The following DAB1 variants were observed in gnomAD, a reference collection of about 807,000 sequenced individuals.
The protein encoded by DAB1 is disabled homolog 1.
Under a neutral mutation model 64.6 loss-of-function variants are expected in DAB1, and 15 were observed. The observed-to-expected ratio is 0.23, with a 90% CI of 0.16 to 0.36. The LOEUF is 0.36. Ranked by LOEUF, DAB1 falls within the 10% of genes least tolerant of loss-of-function variation. The pLI is 1.00. For synonymous variants in DAB1, 235 were observed against 251.9 expected, an observed-to-expected ratio of 0.93 and a Z score of 0.64; for missense variants, 596 against 706.7, an observed-to-expected ratio of 0.84 and a Z score of 1.78.
At chr1:58,122,058 T>C (rs936552766) in intron 5 of DAB1, among the ~76,000 whole-genome samples, 37 of 152,142 alleles carry the variant, frequency 2.4e-4, no homozygotes, top group African/African-American at 8.4e-4. Flanking sequence ...GGAAGACAAA[T>C]GGGACTGTTC....
At chr1:57,121,211 G>T (rs1448084976) in intron 4 of DAB1, among the ~76,000 whole-genome samples, 1 of 151,064 alleles carries the variant, frequency 6.6e-6, no homozygotes, top group East Asian at 1.9e-4. Flanking sequence ...GGAGAAGAAG[G>T]AGAAGGAGGG....
chr1:58,300,139 G>A (rs1342441116), intron 4 of DAB1, among the ~76,000 whole-genome samples: 2 of 152,170 alleles, frequency 1.3e-5, no homozygotes, highest in African/African-American at 4.8e-5. Context: ...CTGGGTAGTG[G>A]TGGGCTCTGC....
At chr1:57,620,883 C>T (rs1645849303) in intron 7 of DAB1, among the ~76,000 whole-genome samples, 1 of 152,174 alleles carries the variant, frequency 6.6e-6, no homozygotes, top group South Asian at 2.1e-4. Flanking sequence ...GTTTGTGTTG[C>T]CTTCTGCTCC....
chr1:57,706,688 T>A (rs1646970361), intron 6 of DAB1, among the ~76,000 whole-genome samples: 1 of 152,150 alleles, frequency 6.6e-6, no homozygotes. Flanking sequence ...AATGGTTATA[T>A]CCTACCCCAA....
At chr1:57,680,204 AAGTCCAAGGTACTC>A (rs890974858) in intron 6 of DAB1, among the ~76,000 whole-genome samples, 1 of 152,232 alleles carries the variant, frequency 6.6e-6, no homozygotes, top group African/African-American at 2.4e-5. Flanking sequence ...TAGAAAAGAA[AAGTCCAAGGTACTC>A]AGCAATGGCT....
At chr1:58,281,741 A>T (rs1052309279) in intron 4 of DAB1, among the ~76,000 whole-genome samples, 3 of 152,132 alleles carry the variant, frequency 2.0e-5, no homozygotes, top group African/African-American at 7.2e-5. Context: ...AAGGTATTTC[A>T]CTTCTCTGTT....
intron 2 of DAB1, among the ~76,000 whole-genome samples, chr1:57,247,317 A>C (rs1439439038): frequency 6.6e-6 from 1 of 152,050 alleles, no homozygotes; most frequent in Non-Finnish European, 1.5e-5. Context: ...GACCATTTGA[A>C]AGTGTGTGAT....
intron 3 of DAB1, among the ~76,000 whole-genome samples, chr1:58,460,173 A>G (rs1645229466): frequency 6.6e-6 from 1 of 152,172 alleles, no homozygotes; most frequent in African/African-American, 2.4e-5. Flanking sequence ...GTTGAAGCAC[A>G]AAGTCTAGGC....
At chr1:57,044,680 A>AC (rs1386515635) in intron 9 of DAB1, among the ~76,000 whole-genome samples, 1 of 152,048 alleles carries the variant, frequency 6.6e-6, no homozygotes, top group Non-Finnish European at 1.5e-5. Context: ...TCTATGAAAA[A>AC]CCTTTTTAAT....
intron 1 of DAB1, among the ~76,000 whole-genome samples, chr1:57,303,355 C>G (rs1229353246): frequency 1.3e-5 from 2 of 152,148 alleles, no homozygotes; most frequent in Admixed American, 6.5e-5. Flanking sequence ...GCTTGCTCTG[C>G]CTTTCGCCCC....
chr1:58,323,643 T>C (rs1662747442), intron 4 of DAB1, among the ~76,000 whole-genome samples: 1 of 152,104 alleles, frequency 6.6e-6, no homozygotes, highest in African/African-American at 2.4e-5. Flanking sequence ...ACTAGATGTC[T>C]GAGATCTTAA....
rs67547933 is a variant in DAB1, at chr1:58,433,567, AAGAG to A, written n.257+72489_257+72492del. ...CTGAAGGGCAAGAGAGTCCATGCAT[AAGAG>A]AGAGAGAGAGAGAGAGAGAGAGAGA... is the stretch of plus-strand genomic sequence containing the variant. On this transcript the variant is annotated intron_variant and non_coding_transcript_variant, in intron 3 of 20. Transcript: ENST00000485760. Among the ~76,000 whole-genome samples, 1,085 of 114,260 alleles carry A rather than the reference AAGAG, an allele frequency of 9.5e-3. 7 individuals carry two copies. The highest frequency in any genetic ancestry group is 0.015 in the African/African-American group (422 of 27,864). 75.0% of individuals were successfully genotyped at this position (114,260 alleles called of 152,430 possible). A position where few individuals can be genotyped will look rare whatever the true frequency, so the allele number is the denominator to read the frequency against.
intron 4 of DAB1, among the ~76,000 whole-genome samples, chr1:57,081,477 G>C (rs1652553719): frequency 1.3e-5 from 2 of 152,170 alleles, no homozygotes; most frequent in Admixed American, 1.3e-4. Context: ...AAAAAGAAAA[G>C]AGCTAAAAGT....
chr1:58,283,014 G>A (rs1205471350), intron 4 of DAB1, among the ~76,000 whole-genome samples: 2 of 149,112 alleles, frequency 1.3e-5, no homozygotes, highest in East Asian at 3.9e-4. Context: ...CACCCCAATT[G>A]CCTTTCACTT....
At chr1:57,285,646 A>T (rs1375402991) in intron 2 of DAB1, among the ~76,000 whole-genome samples, 1 of 152,166 alleles carries the variant, frequency 6.6e-6, no homozygotes, top group Non-Finnish European at 1.5e-5. Context: ...TTTAAAGATA[A>T]GTGAAACCAG....
intron 7 of DAB1, among the ~76,000 whole-genome samples, chr1:57,617,900 T>A (rs891307861): frequency 6.6e-6 from 1 of 152,162 alleles, no homozygotes; most frequent in Non-Finnish European, 1.5e-5. Context: ...TACCTAAATA[T>A]CTGGTGATTT....
chr1:57,069,829 A>G (rs1349291386), intron 7 of DAB1, among the ~76,000 whole-genome samples: 1 of 152,166 alleles, frequency 6.6e-6, no homozygotes, highest in Non-Finnish European at 1.5e-5. Context: ...CTTTTTCCCT[A>G]AGGTTCAAAA....
chr1:57,607,758 AAGAC>A (rs1645674859), intron 7 of DAB1, among the ~76,000 whole-genome samples: 1 of 152,188 alleles, frequency 6.6e-6, no homozygotes, highest in Admixed American at 6.5e-5. Context: ...AACTAACAAA[AAGAC>A]AGAGGGGATA....
At chr1:57,881,074 T>G (rs796188706) in intron 1 of DAB1, among the ~76,000 whole-genome samples, 5 of 152,224 alleles carry the variant, frequency 3.3e-5, no homozygotes, top group Admixed American at 2.6e-4. Context: ...TTTCCCTATC[T>G]GTAAAATGGC....
Sources: gnomAD v4.1 joint callset for allele counts (sites outside exome capture counted in the v4.1 genomes callset) on GRCh38, gnomAD v4.1.1 for gene constraint, MANE v1.5 for transcripts, NCBI Gene and HGNC (gene_info 2026-07-23, HGNC 2026-07-21) for gene names.